RBBP8: variants seen among roughly 807,000 people sequenced by gnomAD.
RBBP8 encodes the protein DNA endonuclease RBBP8.
Under a neutral mutation model 108.3 loss-of-function variants are expected in RBBP8, and 88 were observed. The ratio of observed to expected loss-of-function variants is 0.81; its 90% CI spans 0.68 to 0.97. RBBP8 has a LOEUF of 0.97. Ranked by LOEUF, RBBP8 falls within the 50% of genes least tolerant of loss-of-function variation. The pLI, the probability that RBBP8 is intolerant of heterozygous loss-of-function variation, is 0.00. For synonymous variants in RBBP8, 332 were observed against 348.2 expected, an observed-to-expected ratio of 0.95 and a Z score of 0.52; for missense variants, 1,023 against 1,049.0, an observed-to-expected ratio of 0.98 and a Z score of 0.34.
Position 22,982,211 on chromosome 18 carries a change from T to C in RBBP8, c.429-7T>C, listed in dbSNP as rs538343074. The C allele has an allele frequency of 6.2e-7, 1 of 1,612,090 alleles. No homozygotes were observed. The highest frequency in any genetic ancestry group is 1.3e-5 in the African/African-American group (1 of 75,002). ...TTGATTTTCTTTCCATTGTCATTCT[T>C]CTCTAGGAATGATCAACAGCATCAA... On this transcript the variant is annotated splice_polypyrimidine_tract_variant and splice_region_variant and intron_variant, in intron 6 of 18. Transcript: ENST00000327155.
At chr18:23,018,124 T>G (rs1404551815) in intron 17 of RBBP8, among the ~76,000 whole-genome samples, 1 of 151,984 alleles carries the variant, frequency 6.6e-6, no homozygotes, top group African/African-American at 2.4e-5. Flanking sequence ...CAATCTCAGC[T>G]CACCACAACC....
intron 17 of RBBP8, among the ~76,000 whole-genome samples, chr18:23,018,706 GT>G (rs1265919498): frequency 3.3e-5 from 5 of 152,256 alleles, no homozygotes; most frequent in Non-Finnish European, 7.4e-5. Context: ...ACAGATGAAG[GT>G]TTTTTTCCTG....
rs186038081 is a variant in RBBP8, at chr18:23,023,769, A to G, written c.2596+1499A>G. 1.2e-3 allele frequency among the ~76,000 whole-genome samples: 186 copies of G among 151,540 alleles called. 1 individual carries two copies. The highest frequency in any genetic ancestry group is 3.4e-3 in the Middle Eastern group (1 of 292). On this transcript the variant is annotated intron_variant, in intron 18 of 18. Transcript: ENST00000327155. The stretch of plus-strand genomic sequence containing the variant: ...TCGAGTCCTTAGCCTTAAAAGAGCT[A>G]TTTAATTAAGCAGGGTCCATTTCAC...
At chr18:22,942,723 A>G (rs1468096268) in intron 2 of RBBP8, among the ~76,000 whole-genome samples, 1 of 152,094 alleles carries the variant, frequency 6.6e-6, no homozygotes, top group Admixed American at 6.5e-5. Context: ...AAATTTCAAA[A>G]GTTTTAAAGC....
At chr18:22,932,870 A>G (rs1910123644), upstream of RBBP8, among the ~76,000 whole-genome samples, 1 of 152,244 alleles carries the variant, frequency 6.6e-6, no homozygotes, top group Non-Finnish European at 1.5e-5. Flanking sequence ...TCAGCAAAAT[A>G]CAGATCGTTT....
intron 12 of RBBP8, 125 bp downstream of exon 12, chr18:22,993,972 T>G (rs1301065140): frequency 5.1e-6 from 5 of 974,548 alleles, no homozygotes; most frequent in South Asian, 4.8e-5. Flanking sequence ...GGTGTCTGTA[T>G]TTATAGGACG....
chr18:22,921,588 C>A (rs887962533), intron 3 of RBBP8, among the ~76,000 whole-genome samples: 5 of 152,108 alleles, frequency 3.3e-5, no homozygotes, highest in Non-Finnish European at 5.9e-5. Flanking sequence ...AACTGCTTTT[C>A]CTTTAGTTTT....
At chr18:22,944,897 G>T (rs1425471073) in intron 2 of RBBP8, among the ~76,000 whole-genome samples, 1 of 152,026 alleles carries the variant, frequency 6.6e-6, no homozygotes, top group Non-Finnish European at 1.5e-5. Flanking sequence ...GTATAGGTTT[G>T]TTTTTAAAAT....
chr18:22,944,988 A>G (rs890896126), intron 2 of RBBP8, among the ~76,000 whole-genome samples: 1 of 152,216 alleles, frequency 6.6e-6, no homozygotes, highest in Non-Finnish European at 1.5e-5. Context: ...TAGGAATGAT[A>G]AATATATTAA....
At chr18:22,987,283 G>A (rs1213761148) in intron 8 of RBBP8, among the ~76,000 whole-genome samples, 4 of 152,062 alleles carry the variant, frequency 2.6e-5, no homozygotes, top group Non-Finnish European at 4.4e-5. Flanking sequence ...CTAGAGGAGT[G>A]GGGTACAGGG....
intron 14 of RBBP8, among the ~76,000 whole-genome samples, chr18:23,000,470 A>G (rs973297545): frequency 1.3e-5 from 2 of 152,166 alleles, no homozygotes; most frequent in African/African-American, 4.8e-5. Flanking sequence ...GGTCGAGCAC[A>G]GTGACTCGCA....
intron 6 of RBBP8, 52 bp downstream of exon 6, chr18:22,975,271 C>G: frequency 6.3e-7 from 1 of 1,595,690 alleles, no homozygotes; most frequent in Non-Finnish European, 8.5e-7. Context: ...CTATACAAAC[C>G]ATGAAGATAA....
intron 5 of RBBP8, among the ~76,000 whole-genome samples, chr18:22,974,733 C>G (rs1914378496): frequency 6.6e-6 from 1 of 152,190 alleles, no homozygotes; most frequent in Admixed American, 6.5e-5. Flanking sequence ...GCTGGGATTA[C>G]AGCTGTGAGC....
chr18:22,915,810 T>C (rs1401418138), intron 2 of RBBP8, among the ~76,000 whole-genome samples: 1 of 152,006 alleles, frequency 6.6e-6, no homozygotes, highest in Admixed American at 6.5e-5. Context: ...AATTTATTTA[T>C]TGAGCATTTT....
chr18:23,001,571 T>C lies in RBBP8; in HGVS notation c.2144-15T>C. Reference sequence around the variant, plus strand: ...AAGCTTGCTTATTGCCCTAAGCCAGTGCTCTTTTACATAGATGAAGAAAGA... The same window carrying C: ...AAGCTTGCTTATTGCCCTAAGCCAGCGCTCTTTTACATAGATGAAGAAAGA... On this transcript the variant is annotated splice_polypyrimidine_tract_variant and intron_variant, in intron 14 of 18. Coordinates refer to ENST00000327155, the MANE Select transcript of RBBP8 (RefSeq NM_002894.3). 6.2e-7 allele frequency: 1 copy of C among 1,614,100 alleles called. No individual in the cohort carries two copies.
At chr18:22,924,594 T>G (rs1259525907) in intron 3 of RBBP8, among the ~76,000 whole-genome samples, 1 of 152,146 alleles carries the variant, frequency 6.6e-6, no homozygotes, top group Non-Finnish European at 1.5e-5. Context: ...CTAATTTGTT[T>G]TTATTTTTTA....
rs1434933626 is a variant in RBBP8, at chr18:22,951,330, C to T, written c.248+1617C>T. On this transcript the variant is annotated intron_variant, in intron 4 of 18. Transcript: ENST00000327155. ...TAGTTGGTGAATATAATTTAGCACT[C>T]CTGTCTGTGCATATATTTAATTTTC... Among the ~76,000 whole-genome samples the T allele has an allele frequency of 2.0e-5, 3 of 152,106 alleles. No homozygotes were observed. The South Asian group carries it at 6.2e-4, about 32-fold the overall frequency.
rs1366195435 is a variant in RBBP8, at chr18:22,993,142, T to C, written c.1315T>C (p.Ser439Pro). The C allele has an allele frequency of 2.5e-6, 4 of 1,613,868 alleles. No homozygotes were observed. The highest frequency in any genetic ancestry group is 3.3e-5 in the Admixed American group (2 of 60,004). Residue 439 changes from serine to proline, a missense_variant, in exon 11 of 19, where the codon TCA becomes CCA. Physicochemically the swap from Ser to Pro is moderately conservative, Grantham distance 74. Coordinates refer to ENST00000327155, the MANE Select transcript of RBBP8 (RefSeq NM_002894.3). ...TGATAAACATTTGGAGCCCCTGAAA[T>C]CATTGGGAGGCCGAACATCCAAAAG... ...NTDKHLEPLK[S>P]LGGRTSKRKK...
chr18:22,915,827 T>A (rs1173071507), intron 2 of RBBP8, among the ~76,000 whole-genome samples: 1 of 152,100 alleles, frequency 6.6e-6, no homozygotes, highest in Admixed American at 6.5e-5. Flanking sequence ...TTTTTTATGT[T>A]TATGGTTTTG....
Sources: allele counts gnomAD v4.1 joint callset (sites outside exome capture counted in the v4.1 genomes callset), GRCh38; gene constraint gnomAD v4.1.1; transcripts MANE v1.5; gene names NCBI Gene and HGNC (gene_info 2026-07-23, HGNC 2026-07-21).